The following LINGO1 variants were observed in gnomAD, a reference collection of about 807,000 sequenced individuals.
LINGO1 encodes the protein leucine-rich repeat and immunoglobulin-like domain-containing nogo receptor-interacting protein 1.
A neutral mutation model predicts 37.3 loss-of-function variants in LINGO1; 11 were observed. That is an observed-to-expected ratio of 0.29 (90% CI 0.19 to 0.49). The LOEUF (loss-of-function observed/expected upper bound fraction) is 0.49, where lower values mean the gene tolerates loss of function less well. Among genes scored for constraint, LINGO1 ranks in the 20% least tolerant of loss-of-function variants. The pLI is 0.99. For synonymous variants in LINGO1, 387 were observed against 403.0 expected, an observed-to-expected ratio of 0.96 and a Z score of 0.48; for missense variants, 585 against 878.2, an observed-to-expected ratio of 0.67 and a Z score of 4.22.
intron 1 of LINGO1, among the ~76,000 whole-genome samples, chr15:77,753,058 A>G (rs937086531): frequency 1.3e-5 from 2 of 152,196 alleles, no homozygotes; most frequent in Admixed American, 6.5e-5. Flanking sequence ...ACATAGTGTC[A>G]TATTTGCCAT....
At chr15:77,627,004 C>T (rs1462648745) in intron 1 of LINGO1, among the ~76,000 whole-genome samples, 5 of 121,920 alleles carry the variant, frequency 4.1e-5, no homozygotes, top group African/African-American at 6.4e-5. Context: ...GCAGAAGAAG[C>T]GTGCTGGCCA....
At chr15:77,817,942 A>G (rs1398306608) in intron 1 of LINGO1, among the ~76,000 whole-genome samples, 1 of 152,194 alleles carries the variant, frequency 6.6e-6, no homozygotes, top group Non-Finnish European at 1.5e-5. Context: ...AGCTGATATT[A>G]CCATAGACAT....
chr15:77,706,422 C>T (rs945038204), intron 2 of LINGO1, among the ~76,000 whole-genome samples: 2 of 152,188 alleles, frequency 1.3e-5, no homozygotes, highest in African/African-American at 4.8e-5. Flanking sequence ...TGCTTAAAAC[C>T]CTCCAGCAAC....
intron 3 of LINGO1, among the ~76,000 whole-genome samples, chr15:77,662,086 C>A (rs2075006760): frequency 6.6e-6 from 1 of 152,216 alleles, no homozygotes; most frequent in African/African-American, 2.4e-5. Context: ...TTATAACTGG[C>A]TGACAGATTG....
intron 1 of LINGO1, among the ~76,000 whole-genome samples, chr15:77,626,833 C>T (rs973477113): frequency 1.3e-5 from 2 of 152,110 alleles, no homozygotes; most frequent in African/African-American, 4.8e-5. Context: ...AAGCTGAGAC[C>T]ATGGATCAAG....
chr15:77,727,711 T>A (rs1287209895), intron 2 of LINGO1, among the ~76,000 whole-genome samples: 1 of 149,386 alleles, frequency 6.7e-6, no homozygotes, highest in Non-Finnish European at 1.5e-5. Context: ...ATGGCTAAGA[T>A]GATACATTTT....
intron 1 of LINGO1, among the ~76,000 whole-genome samples, chr15:77,774,328 AGCCCTCT>A (rs1004841206): frequency 2.0e-5 from 3 of 152,024 alleles, no homozygotes; most frequent in African/African-American, 7.3e-5. Context: ...AACAGCCCTC[AGCCCTCT>A]GCCCACCTCT....
chr15:77,787,710 T>A (rs2076785884), upstream of LINGO1, among the ~76,000 whole-genome samples: 1 of 151,992 alleles, frequency 6.6e-6, no homozygotes, highest in South Asian at 2.1e-4. Flanking sequence ...CGTCCCCACC[T>A]CCTTGCTGGC....
intron 3 of LINGO1, among the ~76,000 whole-genome samples, chr15:77,670,822 G>A (rs2075234894): frequency 6.6e-6 from 1 of 152,182 alleles, no homozygotes; most frequent in South Asian, 2.1e-4. Flanking sequence ...CAGCTCTGTG[G>A]CTGTTTCCTG....
At chr15:77,637,769 A>G (rs920495467), upstream of LINGO1, among the ~76,000 whole-genome samples, 2 of 152,200 alleles carry the variant, frequency 1.3e-5, no homozygotes, top group Non-Finnish European at 2.9e-5. This position sits in a 1 kb window ranked among gnomAD's most constrained non-coding sequence, Gnocchi z 4.6. Context: ...CTGTCGCCTG[A>G]GAATCAGGAA....
chr15:77,814,029 G>A (rs1182645165), intron 1 of LINGO1, among the ~76,000 whole-genome samples: 1 of 151,618 alleles, frequency 6.6e-6, no homozygotes, highest in Non-Finnish European at 1.5e-5. Context: ...TCCCTGTGCT[G>A]GGGCAGATGA....
At chr15:77,745,082 C>T (rs1455604279) in intron 1 of LINGO1, among the ~76,000 whole-genome samples, 1 of 145,130 alleles carries the variant, frequency 6.9e-6, no homozygotes, top group East Asian at 2.0e-4. Context: ...TGCACCACTG[C>T]ACTCCAGCAC....
At chr15:77,706,661 C>T (rs1330724141) in intron 2 of LINGO1, among the ~76,000 whole-genome samples, 1 of 152,200 alleles carries the variant, frequency 6.6e-6, no homozygotes, top group Admixed American at 6.5e-5. Flanking sequence ...TGGGATAAGA[C>T]GCCTCCTCAG....
At chr15:77,748,613 C>T (rs1482232009) in intron 1 of LINGO1, among the ~76,000 whole-genome samples, 2 of 152,234 alleles carry the variant, frequency 1.3e-5, no homozygotes, top group Non-Finnish European at 2.9e-5. Context: ...AGGCGGGCCC[C>T]TGCCTTTTCC....
intron 2 of LINGO1, among the ~76,000 whole-genome samples, chr15:77,793,962 T>C (rs938954054): frequency 6.6e-6 from 1 of 152,200 alleles, no homozygotes; most frequent in Admixed American, 6.5e-5. Context: ...AGCCCAGGTG[T>C]CACCTGTTCC....
chr15:77,675,500 T>TA (rs1222317435), intron 3 of LINGO1, among the ~76,000 whole-genome samples: 2 of 152,154 alleles, frequency 1.3e-5, no homozygotes, highest in African/African-American at 4.8e-5. Context: ...CATTGTTAGG[T>TA]AAAAAAATCA....
At chr15:77,656,496 C>G (rs373435442) in intron 3 of LINGO1, among the ~76,000 whole-genome samples, 6 of 152,222 alleles carry the variant, frequency 3.9e-5, no homozygotes, top group East Asian at 1.9e-4. Context: ...CTCCTCCCCC[C>G]GCAGCCGCCC....
intron 2 of LINGO1, among the ~76,000 whole-genome samples, chr15:77,714,582 T>C (rs1042986816): frequency 6.6e-6 from 1 of 152,208 alleles, no homozygotes; most frequent in Non-Finnish European, 1.5e-5. Context: ...CAGCTGTCCC[T>C]ATTCATCCCA....
intron 2 of LINGO1, among the ~76,000 whole-genome samples, chr15:77,683,885 G>A (rs2075459020): frequency 6.6e-6 from 1 of 151,350 alleles, no homozygotes; most frequent in Non-Finnish European, 1.5e-5. Context: ...CAGGCTGCAG[G>A]ACAAAGTTCA....
Sources: allele counts gnomAD v4.1 joint callset (sites outside exome capture counted in the v4.1 genomes callset), GRCh38; gene constraint gnomAD v4.1.1; non-coding constraint Gnocchi (gnomAD v3.1); transcripts MANE v1.5; gene names NCBI Gene and HGNC (gene_info 2026-07-23, HGNC 2026-07-21).